SRBD1: variants seen among roughly 807,000 people sequenced by gnomAD.
The protein encoded by SRBD1 is S1 RNA binding domain 1.
Under a neutral mutation model 115.3 loss-of-function variants are expected in SRBD1, and 88 were observed. The observed-to-expected ratio is 0.76, with a 90% CI of 0.64 to 0.91. The LOEUF (loss-of-function observed/expected upper bound fraction) is 0.91, where lower values mean the gene tolerates loss of function less well. SRBD1 is among the 40% of genes least tolerant of loss of function. SRBD1 has a pLI of 0.00. For missense variants in SRBD1, 1,385 were observed against 1,177.4 expected (o/e 1.18, Z -2.58); for synonymous variants, 509 against 407.7 (o/e 1.25, Z -2.99).
chr2:45,397,744 C>A (rs1310084576), intron 19 of SRBD1, among the ~76,000 whole-genome samples: 1 of 152,194 alleles, frequency 6.6e-6, no homozygotes, highest in Non-Finnish European at 1.5e-5. Context: ...GCTGGAACCA[C>A]AAGCCCAGCT....
intron 16 of SRBD1, among the ~76,000 whole-genome samples, chr2:45,469,219 A>G (rs1381708510): frequency 2.0e-5 from 3 of 152,110 alleles, no homozygotes; most frequent in African/African-American, 7.2e-5. Context: ...GAATTTACTA[A>G]TCTTTTCTTT....
chr2:45,466,666 C>T (rs1669498271), intron 16 of SRBD1, among the ~76,000 whole-genome samples: 1 of 152,148 alleles, frequency 6.6e-6, no homozygotes, highest in Non-Finnish European at 1.5e-5. Flanking sequence ...ACACAAAAGA[C>T]ACATTTTCAG....
intron 14 of SRBD1, among the ~76,000 whole-genome samples, chr2:45,507,805 G>A (rs868621817): frequency 3.9e-5 from 6 of 152,096 alleles, no homozygotes; most frequent in Middle Eastern, 3.4e-3. Flanking sequence ...CATGAAAATC[G>A]TCTAAAATCT....
chr2:45,413,030 T>C (rs1667648786), intron 19 of SRBD1, 84 bp downstream of exon 19: 4 of 1,461,022 alleles, frequency 2.7e-6, no homozygotes, highest in Non-Finnish European at 3.7e-6. Context: ...TATTTTTCAG[T>C]TTCCATTATG....
intron 16 of SRBD1, among the ~76,000 whole-genome samples, chr2:45,458,105 T>C (rs1176905309): frequency 1.3e-5 from 2 of 151,956 alleles, no homozygotes; most frequent in East Asian, 3.9e-4. Context: ...TTTAAACCTA[T>C]CAAACCAAGG....
intron 14 of SRBD1, among the ~76,000 whole-genome samples, chr2:45,501,798 G>A (rs1037403795): frequency 3.3e-5 from 5 of 152,166 alleles, no homozygotes; most frequent in African/African-American, 7.2e-5. Context: ...TGGGAAGCTC[G>A]AACTGGGTGG....
intron 16 of SRBD1, chr2:45,448,129 T>G (rs1399308869): frequency 5.3e-5 from 8 of 152,192 alleles, no homozygotes; most frequent in Admixed American, 5.2e-4. Flanking sequence ...TGCTAAAATA[T>G]AATCATTCTG....
At chr2:45,575,964 A>G (rs1324189986) in intron 7 of SRBD1, among the ~76,000 whole-genome samples, 1 of 152,160 alleles carries the variant, frequency 6.6e-6, no homozygotes, top group African/African-American at 2.4e-5. Flanking sequence ...TCAGCCTCCC[A>G]AAGTGTTGGG....
Position 45,572,802 on chromosome 2 carries a change from G to A in SRBD1, c.1305+405C>T, listed in dbSNP as rs1299885274. On this transcript the variant is annotated intron_variant, in intron 9 of 20. Coordinates refer to ENST00000263736, the MANE Select transcript of SRBD1 (RefSeq NM_018079.5). The stretch of plus-strand genomic sequence containing the variant: ...CTGAAAAATGAAATTAAAACACTGA[G>A]ATACAATGACTGATTTATATAAGTA... 2.0e-5 allele frequency among the ~76,000 whole-genome samples: 3 copies of A among 152,042 alleles called. No homozygotes were observed. The East Asian group carries it at 5.8e-4, about 29-fold the overall frequency.
rs779505552 is a variant in SRBD1 at position 45,413,197 on chromosome 2, G to C, written c.2430C>G (p.Ser810Arg). Residue 810 changes from serine to arginine, a missense_variant, in exon 19 of 21, where the codon AGC (serine) becomes AGG (arginine). By Grantham distance (110) the Ser-to-Arg change is moderately radical. Transcript: ENST00000263736. ...VTNEKQGKKKSKTAVNVLLKP... is the reference protein window; with the variant it reads ...VTNEKQGKKKRKTAVNVLLKP... ...TCAGTAAAACATTCACTGCAGTTTT[G>C]CTCTTCTTTTTGCCCTGCTTCTCAT... is the stretch of plus-strand genomic sequence containing the variant. 2 of 1,613,942 alleles carry C rather than the reference G, an allele frequency of 1.2e-6. No homozygotes were observed. Among genetic ancestry groups the C allele is most frequent in the African/African-American group, 2.7e-5 (2 of 74,904 alleles).
chr2:45,515,664 C>A (rs1052675027), intron 14 of SRBD1, among the ~76,000 whole-genome samples: 4 of 152,140 alleles, frequency 2.6e-5, no homozygotes, highest in African/African-American at 9.7e-5. Context: ...CAACCCCTAA[C>A]TGATCACTAT....
intron 10 of SRBD1, among the ~76,000 whole-genome samples, chr2:45,555,304 G>A (rs897991200): frequency 6.6e-6 from 1 of 152,132 alleles, no homozygotes; most frequent in Non-Finnish European, 1.5e-5. Context: ...AGGATCACTT[G>A]AGCCCAGGAG....
rs561149328 is a variant in SRBD1, at chr2:45,509,469, G to A, written c.1875-21138C>T. On this transcript the variant is annotated intron_variant, in intron 14 of 20. Coordinates refer to ENST00000263736, the MANE Select transcript of SRBD1 (RefSeq NM_018079.5). The stretch of plus-strand genomic sequence containing the variant: ...AAATTAGCCGGGCGCGGTGGTGGGC[G>A]CCTGCAGTCCCAGCTACACGGGAGG... Among the ~76,000 whole-genome samples the A allele has an allele frequency of 6.6e-5, 10 of 152,062 alleles. No homozygotes were observed. In the East Asian group the frequency reaches 9.7e-4, roughly 15 times the overall value.
intron 15 of SRBD1, among the ~76,000 whole-genome samples, chr2:45,483,501 G>T (rs1285055937): frequency 6.6e-6 from 1 of 151,968 alleles, no homozygotes; most frequent in Admixed American, 6.6e-5. Context: ...TATATCCAAA[G>T]AATAAAAAGA....
At chr2:45,519,867 A>G (rs186586293) in intron 14 of SRBD1, among the ~76,000 whole-genome samples, 39 of 152,260 alleles carry the variant, frequency 2.6e-4, no homozygotes, top group Admixed American at 1.8e-3. Context: ...TAAGGTTACT[A>G]TTTATTATTA....
intron 7 of SRBD1, among the ~76,000 whole-genome samples, chr2:45,578,056 G>T (rs773945556): frequency 1.1e-4 from 16 of 152,162 alleles, no homozygotes; most frequent in Admixed American, 5.9e-4. Context: ...AAAGAGATAT[G>T]GTTATCAAAA....
At chr2:45,532,833 C>G (rs1671654710) in intron 14 of SRBD1, among the ~76,000 whole-genome samples, 1 of 148,050 alleles carries the variant, frequency 6.8e-6, no homozygotes, top group South Asian at 2.1e-4. Flanking sequence ...ATATAAAACA[C>G]AAATAAGGTG....
intron 16 of SRBD1, among the ~76,000 whole-genome samples, chr2:45,449,892 T>G (rs1480634634): frequency 6.6e-6 from 1 of 151,964 alleles, no homozygotes; most frequent in Non-Finnish European, 1.5e-5. Context: ...CAGTGCTTCA[T>G]AAGGGTGATC....
Position 45,509,567 on chromosome 2 carries a change from G to A in SRBD1, c.1875-21236C>T, listed in dbSNP as rs144434695. 5.7e-3 allele frequency among the ~76,000 whole-genome samples: 754 copies of A among 132,738 alleles called. 10 individuals are homozygous for A. The highest frequency in any genetic ancestry group is 0.019 in the African/African-American group (706 of 37,674). 87.1% of individuals were successfully genotyped at this position (132,738 alleles called of 152,430 possible). A position where few individuals can be genotyped will look rare whatever the true frequency, so the allele number is the denominator to read the frequency against. On this transcript the variant is annotated intron_variant, in intron 14 of 20. Coordinates refer to ENST00000263736, the MANE Select transcript of SRBD1 (RefSeq NM_018079.5). Reference sequence around the variant, plus strand: ...GCAGAGATTGCACCACTGCACTCCAGCCTGGAGGACACAGCAAGACTCCGT... The same window carrying A: ...GCAGAGATTGCACCACTGCACTCCAACCTGGAGGACACAGCAAGACTCCGT...
Sources: gnomAD v4.1 joint callset for allele counts (sites outside exome capture counted in the v4.1 genomes callset) on GRCh38, gnomAD v4.1.1 for gene constraint, MANE v1.5 for transcripts, NCBI Gene and HGNC (gene_info 2026-07-23, HGNC 2026-07-21) for gene names.